The following AFAP1L1 variants were observed in gnomAD, a reference collection of about 807,000 sequenced individuals.
The protein encoded by AFAP1L1 is actin filament-associated protein 1-like 1.
Under a neutral mutation model 99.8 loss-of-function variants are expected in AFAP1L1, and 77 were observed. That is an observed-to-expected ratio of 0.77 (90% CI 0.64 to 0.93). AFAP1L1 has a LOEUF of 0.93. Among genes scored for constraint, AFAP1L1 ranks in the 40% least tolerant of loss-of-function variants. The pLI, the probability that AFAP1L1 is intolerant of heterozygous loss-of-function variation, is 0.00. For synonymous variants in AFAP1L1, 373 were observed against 395.3 expected (o/e 0.94, Z 0.67); for missense variants, 893 against 996.8 (o/e 0.90, Z 1.40).
At chr5:149,294,189 G>A (rs1755950975) in intron 1 of AFAP1L1, among the ~76,000 whole-genome samples, 1 of 152,138 alleles carries the variant, frequency 6.6e-6, no homozygotes, top group Non-Finnish European at 1.5e-5. Context: ...TGGAGTACTT[G>A]TAAAAATGCA....
At chr5:149,327,750 GA>G (rs1757137028) in intron 15 of AFAP1L1, among the ~76,000 whole-genome samples, 1 of 151,850 alleles carries the variant, frequency 6.6e-6, no homozygotes, top group Admixed American at 6.6e-5. Flanking sequence ...AGAACAAAGA[GA>G]AAAAAAGAAT....
chr5:149,306,515 A>G (rs1756419692), intron 6 of AFAP1L1, 111 bp downstream of exon 6: 4 of 1,007,838 alleles, frequency 4.0e-6, no homozygotes, highest in Admixed American at 2.4e-5. Context: ...CACCCAGACC[A>G]TGGTCACTAG....
At chr5:149,272,044 C>A (rs1010068986) in intron 1 of AFAP1L1, 60 bp downstream of exon 1, 11 of 1,230,482 alleles carry the variant, frequency 8.9e-6, no homozygotes, top group Non-Finnish European at 1.1e-5. Context: ...GGAGACTGGA[C>A]GATCTGAAGC....
Position 149,320,302 on chromosome 5 carries a change from C to T in AFAP1L1, c.1626-89C>T. The T allele has an allele frequency of 7.6e-7, 1 of 1,309,782 alleles. No individual in the cohort carries two copies. Among genetic ancestry groups the T allele is most frequent in the Non-Finnish European group, 1.1e-6 (1 of 914,198 alleles). The allele number at this position is 1,309,782 out of a possible 1,614,324, so 81.1% of individuals were successfully genotyped here. Reference sequence around the variant, plus strand: ...TCTGATCTGCCTTAAGAGTTTCTGCCAGAATCAATGAGAGTGAGGACACGA... The same window carrying T: ...TCTGATCTGCCTTAAGAGTTTCTGCTAGAATCAATGAGAGTGAGGACACGA... On this transcript the variant is annotated intron_variant, in intron 13 of 18. Coordinates refer to ENST00000296721, the MANE Select transcript of AFAP1L1 (RefSeq NM_152406.4). This position sits in a 1 kb window ranked among gnomAD's most constrained non-coding sequence, Gnocchi z 4.0.
At chr5:149,305,570 C>A (rs2127595485) in intron 5 of AFAP1L1, among the ~76,000 whole-genome samples, 1 of 152,284 alleles carries the variant, frequency 6.6e-6, no homozygotes, top group South Asian at 2.1e-4. Context: ...AGACAACTCC[C>A]AGGTGATTCT....
At chr5:149,291,159 T>C (rs1755841014) in intron 1 of AFAP1L1, among the ~76,000 whole-genome samples, 1 of 152,012 alleles carries the variant, frequency 6.6e-6, no homozygotes, top group Non-Finnish European at 1.5e-5. Context: ...GGAGTTCTGA[T>C]AGGCAAAAAG....
intron 1 of AFAP1L1, among the ~76,000 whole-genome samples, chr5:149,272,669 G>A (rs955792641): frequency 3.3e-5 from 5 of 152,214 alleles, no homozygotes; most frequent in Admixed American, 1.3e-4. Context: ...CGAGAGGGCA[G>A]CATTCGTAGG....
At chr5:149,286,197 C>T (rs951589240) in intron 1 of AFAP1L1, among the ~76,000 whole-genome samples, 7 of 152,120 alleles carry the variant, frequency 4.6e-5, no homozygotes, top group Admixed American at 4.6e-4. Context: ...AGGGACTTCT[C>T]TAAGCACTTT....
intron 18 of AFAP1L1, 66 bp from the exon 19 acceptor site, chr5:149,339,941 A>G (rs1757515570): frequency 1.3e-6 from 2 of 1,584,546 alleles, no homozygotes. Flanking sequence ...GTGCCGTGAA[A>G]TCTCTTTATC....
intron 1 of AFAP1L1, among the ~76,000 whole-genome samples, chr5:149,293,036 A>G (rs570384695): frequency 6.6e-6 from 1 of 152,346 alleles, no homozygotes; most frequent in South Asian, 2.1e-4. Flanking sequence ...TCAGGGCCAG[A>G]GCCATGAATA....
intron 17 of AFAP1L1, 63 bp from the exon 18 acceptor site, chr5:149,335,531 G>A: frequency 6.4e-7 from 1 of 1,563,344 alleles, no homozygotes; most frequent in Admixed American, 1.9e-5. Context: ...TTTGAGGGCA[G>A]GCTGGGTGTG....
chr5:149,332,186 C>A (rs1290893425), intron 16 of AFAP1L1, among the ~76,000 whole-genome samples: 1 of 152,224 alleles, frequency 6.6e-6, no homozygotes, highest in Non-Finnish European at 1.5e-5. Flanking sequence ...TACTTGAGAT[C>A]AGCAGTTTGA....
At chr5:149,279,570 C>G (rs1265256237) in intron 1 of AFAP1L1, among the ~76,000 whole-genome samples, 1 of 152,184 alleles carries the variant, frequency 6.6e-6, no homozygotes, top group Non-Finnish European at 1.5e-5. Flanking sequence ...GGGGAGACCG[C>G]CTGATGCAAT....
chr5:149,315,964 C>T (rs763419486), intron 10 of AFAP1L1, 50 bp downstream of exon 10: 1 of 1,606,868 alleles, frequency 6.2e-7, no homozygotes, highest in African/African-American at 1.3e-5. Context: ...CTGGGCCGGG[C>T]CTTGCCCATG....
chr5:149,283,975 G>A (rs1316284904), intron 1 of AFAP1L1, among the ~76,000 whole-genome samples: 5 of 152,338 alleles, frequency 3.3e-5, no homozygotes, highest in African/African-American at 7.2e-5. Context: ...TGCCTGGAAC[G>A]TGAGGTCATA....
chr5:149,288,820 G>A (rs1755761717), intron 1 of AFAP1L1, among the ~76,000 whole-genome samples: 1 of 152,114 alleles, frequency 6.6e-6, no homozygotes, highest in African/African-American at 2.4e-5. Flanking sequence ...GAAACAAAAT[G>A]CCCCAAGTGA....
chr5:149,309,672 T>A (rs938689792), intron 7 of AFAP1L1, among the ~76,000 whole-genome samples: 3 of 152,196 alleles, frequency 2.0e-5, no homozygotes, highest in Non-Finnish European at 4.4e-5. Flanking sequence ...ATTTCTTCTC[T>A]GGTTCTTTAG....
intron 5 of AFAP1L1, chr5:149,302,780 G>A: frequency 2.7e-6 from 1 of 374,540 alleles, no homozygotes. Context: ...AAATCCCCTT[G>A]CCCTCTGGAT....
Position 149,317,920 on chromosome 5 carries a change from C to A in AFAP1L1, c.1459C>A (p.Gln487Lys). The change falls in exon 12 of 19, where the codon CAG (glutamine) becomes AAG (lysine). Residue 487 changes from glutamine (Q) to lysine (K), a missense_variant. Transcript: ENST00000296721. ...TGCCTTCAGGATCCTGCGCAACCGG[C>A]AGGAGGTGGCCATCTTGGAGGTGAG... ...PFAFRILRNR[Q>K]EVAILEASCS... The A allele has an allele frequency of 6.3e-7, 1 of 1,576,746 alleles. No individual in the cohort carries two copies. The highest frequency in any genetic ancestry group is 8.6e-7 in the Non-Finnish European group (1 of 1,160,932).
Sources: gnomAD v4.1 joint callset for allele counts (sites outside exome capture counted in the v4.1 genomes callset) on GRCh38, gnomAD v4.1.1 for gene constraint, Gnocchi (gnomAD v3.1) non-coding constraint, MANE v1.5 for transcripts, NCBI Gene and HGNC (gene_info 2026-07-23, HGNC 2026-07-21) for gene names.